Variants in SESN1 observed in about 807,000 individuals in gnomAD.
SESN1 encodes sestrin-1.
In SESN1, 30 loss-of-function variants were observed where a neutral mutation model predicts 59.3. The ratio of observed to expected loss-of-function variants is 0.51; its 90% confidence interval spans 0.38 to 0.69. SESN1 has a LOEUF of 0.69. Ranked by LOEUF, SESN1 falls within the 30% of genes least tolerant of loss-of-function variation. SESN1 has a pLI of 0.00. For synonymous variants in SESN1, 197 were observed against 219.9 expected (o/e 0.90, Z 0.92); for missense variants, 566 against 673.0 (o/e 0.84, Z 1.76).
chr6:109,070,299 G>A (rs1196200522), intron 1 of SESN1, among the ~76,000 whole-genome samples: 2 of 152,154 alleles, frequency 1.3e-5, no homozygotes, highest in Non-Finnish European at 2.9e-5. Context: ...TTATGCTTCA[G>A]GTACTTGGAA....
At chr6:109,059,114 CACAT>C (rs1583290757) in intron 1 of SESN1, among the ~76,000 whole-genome samples, 1 of 152,126 alleles carries the variant, frequency 6.6e-6, no homozygotes, top group Non-Finnish European at 1.5e-5. Flanking sequence ...CACACACACA[CACAT>C]AATTTACAGA....
At chr6:109,017,548 G>GT in intron 1 of SESN1, among the ~76,000 whole-genome samples, 1 of 152,164 alleles carries the variant, frequency 6.6e-6, no homozygotes, top group Non-Finnish European at 1.5e-5. Context: ...GCCTCCCAAA[G>GT]TGCTGGGATT....
In SESN1 at chr6:109,058,532, C is replaced by T. The variant is rs553083135; in HGVS notation, c.279+35263G>A. Among the ~76,000 whole-genome samples, 6 of 152,168 alleles carry T rather than the reference C, an allele frequency of 3.9e-5. No homozygotes were observed. In the East Asian group the frequency reaches 7.7e-4, roughly 20 times the overall value. On this transcript the variant is annotated intron_variant, in intron 1 of 9. Coordinates refer to ENST00000436639, the MANE Select transcript of SESN1 (RefSeq NM_014454.3). Reference sequence around the variant, plus strand: ...AACATATGTCCATCATTAGGTGATGCGTGACTGTACAGATCCCACATTGTC... The same window carrying T: ...AACATATGTCCATCATTAGGTGATGTGTGACTGTACAGATCCCACATTGTC...
chr6:108,989,580 T>C (rs1341173607), intron 8 of SESN1, among the ~76,000 whole-genome samples: 1 of 151,204 alleles, frequency 6.6e-6, no homozygotes, highest in Admixed American at 6.6e-5. Context: ...GAGATATCTA[T>C]ATATAGAGAG....
At position 109,051,910 on chromosome 6, in the gene SESN1, G is replaced by C. The variant is rs533482721; in HGVS notation, c.279+41885C>G. Among the ~76,000 whole-genome samples the C allele has an allele frequency of 3.3e-5, 5 of 152,280 alleles. No homozygotes were observed. In the South Asian group the frequency reaches 8.3e-4, roughly 25 times the overall value. ...CTTTTATAAGGACCTTAATTCCACT[G>C]ATGAAGGAGCAGCCCTCTGGCCTAA... On this transcript the variant is annotated intron_variant, in intron 1 of 9. Coordinates refer to ENST00000436639, the MANE Select transcript of SESN1 (RefSeq NM_014454.3).
In SESN1 at chr6:108,990,669, T is replaced by C. The variant is rs1473700910; in HGVS notation, c.1400A>G (p.Tyr467Cys). 6.2e-7 allele frequency: 1 copy of C among 1,613,962 alleles called. No homozygotes were observed. Among genetic ancestry groups the C allele is most frequent in the Non-Finnish European group, 8.5e-7 (1 of 1,179,970 alleles). Residue 467 changes from tyrosine (Y) to cysteine (C), a missense_variant, in exon 8 of 10, where the codon TAT becomes TGT. Transcript: ENST00000436639. Reference protein sequence around the residue: ...TSMLRRAIWNYIHCMFGIRYD... With the variant: ...TSMLRRAIWNCIHCMFGIRYD... ...CCTTATTCCAAACATGCAGTGAATA[T>C]AGTTCCAAATTGCCCGTCTAAGCAT...
At chr6:109,030,740 T>C (rs1294091430) in intron 1 of SESN1, among the ~76,000 whole-genome samples, 1 of 152,208 alleles carries the variant, frequency 6.6e-6, no homozygotes, top group Non-Finnish European at 1.5e-5. Flanking sequence ...AAAATGTATA[T>C]AGGATTTTAT....
intron 1 of SESN1, among the ~76,000 whole-genome samples, chr6:109,037,880 T>C (rs1780272309): frequency 6.6e-6 from 1 of 152,126 alleles, no homozygotes; most frequent in Admixed American, 6.5e-5. Flanking sequence ...TTTACATATT[T>C]AGTTGATGTT....
chr6:109,000,981 A>T (rs1779608386), intron 3 of SESN1, among the ~76,000 whole-genome samples: 1 of 152,164 alleles, frequency 6.6e-6, no homozygotes, highest in Admixed American at 6.5e-5. Flanking sequence ...AAATAATGGA[A>T]TATTATTTAC....
intron 1 of SESN1, chr6:109,009,686 G>T: frequency 2.3e-6 from 1 of 432,272 alleles, no homozygotes; most frequent in Non-Finnish European, 3.2e-6. Flanking sequence ...CGGCGCGGAG[G>T]CTGGGAACTG....
intron 1 of SESN1, among the ~76,000 whole-genome samples, chr6:109,053,222 T>C (rs1166567407): frequency 6.6e-6 from 1 of 152,200 alleles, no homozygotes; most frequent in Non-Finnish European, 1.5e-5. Context: ...CAGCATCTTA[T>C]GAGTAAGAAT....
chr6:109,052,815 A>C (rs765612479), intron 1 of SESN1, among the ~76,000 whole-genome samples: 15 of 151,840 alleles, frequency 9.9e-5, no homozygotes, highest in Non-Finnish European at 1.5e-4. Flanking sequence ...TAGTTCATTC[A>C]TTTGTCCCTA....
In SESN1 at chr6:109,042,177, T is replaced by C. The variant is rs143793856; in HGVS notation, c.280-39834A>G. 7.8e-3 allele frequency among the ~76,000 whole-genome samples: 1,186 copies of C among 152,042 alleles called. 21 individuals carry two copies. The highest frequency in any genetic ancestry group is 0.027 in the African/African-American group (1,141 of 41,520). The stretch of plus-strand genomic sequence containing the variant: ...ATAGGATGAAAATGAAAATACAACA[T>C]ATCAAAATTTGTGGGACACAGCTGA... On this transcript the variant is annotated intron_variant, in intron 1 of 9. Transcript: ENST00000436639.
chr6:109,053,416 G>A (rs1780575998), intron 1 of SESN1, among the ~76,000 whole-genome samples: 1 of 152,180 alleles, frequency 6.6e-6, no homozygotes, highest in Non-Finnish European at 1.5e-5. Context: ...AAGATATAAA[G>A]GATAAGCTGG....
chr6:109,070,767 T>C (rs1456027177), intron 1 of SESN1, among the ~76,000 whole-genome samples: 3 of 152,252 alleles, frequency 2.0e-5, no homozygotes, highest in African/African-American at 7.2e-5. Flanking sequence ...GTGGTCAACA[T>C]AGCATTTTTC....
intron 1 of SESN1, among the ~76,000 whole-genome samples, chr6:109,031,108 A>G (rs2114393427): frequency 6.6e-6 from 1 of 152,336 alleles, no homozygotes; most frequent in East Asian, 1.9e-4. Context: ...GGCTTAAAAG[A>G]TGGGTAAAGG....
chr6:109,008,078 CG>C (rs1472897164), intron 1 of SESN1, among the ~76,000 whole-genome samples: 1 of 152,112 alleles, frequency 6.6e-6, no homozygotes, highest in Non-Finnish European at 1.5e-5. Flanking sequence ...CAAAGCTTCC[CG>C]GTTTCCTCAA....
intron 1 of SESN1, among the ~76,000 whole-genome samples, chr6:109,019,770 C>A (rs1779980801): frequency 6.6e-6 from 1 of 152,076 alleles, no homozygotes; most frequent in African/African-American, 2.4e-5. Flanking sequence ...GTATAACAGG[C>A]AGGTTTTAAA....
intron 1 of SESN1, among the ~76,000 whole-genome samples, chr6:109,065,166 T>A (rs1471328852): frequency 2.6e-5 from 4 of 152,142 alleles, no homozygotes; most frequent in Non-Finnish European, 5.9e-5. Context: ...CATTTTCACA[T>A]CTATTATCAT....
Sources: gnomAD v4.1 joint callset for allele counts (sites outside exome capture counted in the v4.1 genomes callset) on GRCh38, gnomAD v4.1.1 for gene constraint, MANE v1.5 for transcripts, NCBI Gene and HGNC (gene_info 2026-07-23, HGNC 2026-07-21) for gene names.